The following MTURN variants were observed in gnomAD, a reference collection of about 807,000 sequenced individuals.
The protein encoded by MTURN is maturin, neural progenitor differentiation regulator homolog.
A neutral mutation model predicts 14.9 loss-of-function variants in MTURN; 7 were observed. That is an observed-to-expected ratio of 0.47 (90% CI 0.27 to 0.88). The LOEUF is 0.88. Among genes scored for constraint, MTURN ranks in the 40% least tolerant of loss-of-function variants. The probability of loss-of-function intolerance (pLI) is 0.14; values close to 1 mark genes in which losing one functional copy is unlikely to be tolerated. For synonymous variants in MTURN, 69 were observed against 72.5 expected, an observed-to-expected ratio of 0.95 and a Z score of 0.25; for missense variants, 151 against 174.1, an observed-to-expected ratio of 0.87 and a Z score of 0.75.
intron 1 of MTURN, among the ~76,000 whole-genome samples, chr7:30,138,513 A>T (rs545173793): frequency 3.2e-4 from 49 of 152,218 alleles, no homozygotes; most frequent in African/African-American, 1.0e-3. Context: ...GGGGCAGCTT[A>T]GATAGTCTAA....
At chr7:30,156,886 G>T (rs774941918) in intron 2 of MTURN, among the ~76,000 whole-genome samples, 6 of 151,080 alleles carry the variant, frequency 4.0e-5, no homozygotes, top group Non-Finnish European at 8.8e-5. Context: ...ACACTTATGT[G>T]CATCTTTTTA....
At chr7:30,149,878 C>T (rs1428775333) in intron 2 of MTURN, among the ~76,000 whole-genome samples, 5 of 152,198 alleles carry the variant, frequency 3.3e-5, no homozygotes, top group Non-Finnish European at 7.3e-5. Context: ...GAGCAGTCCC[C>T]TGCTCTGCCT....
intron 2 of MTURN, among the ~76,000 whole-genome samples, chr7:30,147,439 C>T (rs1317549152): frequency 6.6e-6 from 1 of 152,162 alleles, no homozygotes; most frequent in Non-Finnish European, 1.5e-5. Flanking sequence ...AGGCAGGATG[C>T]GGGTCTGGCC....
chr7:30,148,805 C>A (rs1362490740), intron 2 of MTURN, among the ~76,000 whole-genome samples: 1 of 152,110 alleles, frequency 6.6e-6, no homozygotes, highest in African/African-American at 2.4e-5. Flanking sequence ...TTGGTAATGT[C>A]AGAGCTCAGT....
At position 30,158,362 on chromosome 7, in the gene MTURN, G is replaced by A. The variant is rs1163398218; in HGVS notation, c.*814G>A. 1.3e-5 allele frequency: 2 copies of A among 152,590 alleles called. No homozygotes were observed. Among genetic ancestry groups the A allele is most frequent in the Non-Finnish European group, 2.9e-5 (2 of 68,030 alleles). 9.5% of individuals were successfully genotyped at this position (152,590 alleles called of 1,614,324 possible). On this transcript the variant is annotated 3_prime_UTR_variant, in exon 3 of 3. Coordinates refer to ENST00000324453, the MANE Select transcript of MTURN (RefSeq NM_152793.3). The stretch of plus-strand genomic sequence containing the variant: ...TACCTTCTCTCTTTCTAATGAGATG[G>A]CCGCTTGTTAAATCATGAAAACATC...
Position 30,158,792 on chromosome 7 carries a change from C to T in MTURN, c.*1244C>T, listed in dbSNP as rs546914188. The T allele has an allele frequency of 6.6e-6, 1 of 152,274 alleles. No individual in the cohort carries two copies. The highest frequency in any genetic ancestry group is 1.5e-5 in the Non-Finnish European group (1 of 68,026). The allele number at this position is 152,274 out of a possible 1,614,324, so 9.4% of individuals were successfully genotyped here. ...TGCTAACATGGAATTATTCCTGGAC[C>T]CTTCTGCATCCCTGGTTTTAGTTAA... is the stretch of plus-strand genomic sequence containing the variant. On this transcript the variant is annotated 3_prime_UTR_variant, in exon 3 of 3. Coordinates refer to ENST00000324453, the MANE Select transcript of MTURN (RefSeq NM_152793.3).
At position 30,159,803 on chromosome 7, in the gene MTURN, C is replaced by T. The variant is rs1209256157; in HGVS notation, c.*2255C>T. On this transcript the variant is annotated 3_prime_UTR_variant, in exon 3 of 3. Coordinates refer to ENST00000324453, the MANE Select transcript of MTURN (RefSeq NM_152793.3). ...GCACATCCCTTCTCGTGCTCACACA[C>T]TTGCCCACACACTCACTTCTTCCTG... The T allele has an allele frequency of 6.5e-6, 1 of 152,728 alleles. No homozygotes were observed. The highest frequency in any genetic ancestry group is 1.5e-5 in the Non-Finnish European group (1 of 68,064). 9.5% of individuals were successfully genotyped at this position (152,728 alleles called of 1,614,324 possible).
chr7:30,146,450 G>C (rs1583506543), intron 2 of MTURN, 151 bp downstream of exon 2: 2 of 1,053,612 alleles, frequency 1.9e-6, no homozygotes, highest in East Asian at 5.2e-5. Context: ...AGCCAGTATA[G>C]GGAGGCCGAG....
At chr7:30,148,761 A>G (rs1419396762) in intron 2 of MTURN, among the ~76,000 whole-genome samples, 5 of 126,342 alleles carry the variant, frequency 4.0e-5, no homozygotes, top group Non-Finnish European at 7.3e-5. Context: ...TGAGATGGGG[A>G]AGGCTGCGGG....
chr7:30,154,361 C>T (rs568738196), intron 2 of MTURN, among the ~76,000 whole-genome samples: 23 of 152,342 alleles, frequency 1.5e-4, no homozygotes, highest in Admixed American at 6.5e-4. Context: ...TCCCCTATAA[C>T]GACCCATGTT....
intron 1 of MTURN, 39 bp downstream of exon 1, chr7:30,135,337 G>A: frequency 6.8e-7 from 1 of 1,476,118 alleles, no homozygotes; most frequent in Non-Finnish European, 9.0e-7. Context: ...GCCGGCGGGA[G>A]TGTGGACGCG....
At chr7:30,146,799 T>C (rs1349250553) in intron 2 of MTURN, among the ~76,000 whole-genome samples, 2 of 152,236 alleles carry the variant, frequency 1.3e-5, no homozygotes, top group Non-Finnish European at 2.9e-5. Context: ...TATGAGCTAC[T>C]GTTGCTTTGT....
intron 2 of MTURN, among the ~76,000 whole-genome samples, chr7:30,156,565 G>A (rs771100199): frequency 3.3e-5 from 5 of 152,152 alleles, no homozygotes; most frequent in South Asian, 2.1e-4. Context: ...GGTGGCTCAC[G>A]CCTGTAATCC....
At position 30,160,949 on chromosome 7, in the gene MTURN, C is replaced by G. The variant is rs1797365336; in HGVS notation, c.*3401C>G. ...AGGGATCCTCCTTGTGTCCTGGTGC[C>G]AGAATTAGATTTCCAGTGTACTTCA... On this transcript the variant is annotated 3_prime_UTR_variant, in exon 3 of 3. Transcript: ENST00000324453. The G allele has an allele frequency of 6.6e-6, 1 of 152,620 alleles. No individual in the cohort carries two copies. Among genetic ancestry groups the G allele is most frequent in the African/African-American group, 2.4e-5 (1 of 41,440 alleles). The allele number at this position is 152,620 out of a possible 1,614,324, so 9.5% of individuals were successfully genotyped here. A position where few individuals can be genotyped will look rare whatever the true frequency, so the allele number is the denominator to read the frequency against.
intron 2 of MTURN, among the ~76,000 whole-genome samples, chr7:30,154,006 C>T (rs1312332394): frequency 6.6e-6 from 1 of 152,170 alleles, no homozygotes; most frequent in Non-Finnish European, 1.5e-5. Context: ...ATGTGAGCCA[C>T]CGTGCCTGGC....
rs1797328924 is a variant in MTURN, at chr7:30,158,934, A to G, written c.*1386A>G. On this transcript the variant is annotated 3_prime_UTR_variant, in exon 3 of 3. Transcript: ENST00000324453. ...TTGTGAAAGTTTTGAATTAAAAACA[A>G]GCAGTAGCAGCAGAGGCCACAGAAC... The G allele has an allele frequency of 6.6e-6, 1 of 152,186 alleles. No homozygotes were observed. The highest frequency in any genetic ancestry group is 1.5e-5 in the Non-Finnish European group (1 of 68,042). 9.4% of individuals were successfully genotyped at this position (152,186 alleles called of 1,614,324 possible).
intron 1 of MTURN, among the ~76,000 whole-genome samples, chr7:30,143,023 C>T (rs561711784): frequency 1.3e-5 from 2 of 152,308 alleles, no homozygotes; most frequent in South Asian, 4.1e-4. Flanking sequence ...GTGCATTTGT[C>T]TTTGTACAGG....
intron 1 of MTURN, chr7:30,137,713 T>C (rs1365117478): frequency 4.2e-6 from 2 of 470,918 alleles, no homozygotes; most frequent in Admixed American, 2.4e-5. Flanking sequence ...AGCTACTGTT[T>C]GCCTCTAATA....
intron 1 of MTURN, among the ~76,000 whole-genome samples, chr7:30,143,518 TAAATGA>T (rs1414805929): frequency 6.6e-6 from 1 of 152,156 alleles, no homozygotes; most frequent in African/African-American, 2.4e-5. Flanking sequence ...TAGCATTTAG[TAAATGA>T]TGTCTTTTAA....
Sources: gnomAD v4.1 joint callset for allele counts (sites outside exome capture counted in the v4.1 genomes callset) on GRCh38, gnomAD v4.1.1 for gene constraint, MANE v1.5 for transcripts, NCBI Gene and HGNC (gene_info 2026-07-23, HGNC 2026-07-21) for gene names.